The following EXTL1 variants were observed in gnomAD, a reference collection of about 807,000 sequenced individuals.
The protein encoded by EXTL1 is exostosin like glycosyltransferase 1.
In EXTL1, 43 loss-of-function variants were observed where a neutral mutation model predicts 64.6. The observed-to-expected ratio is 0.67, with a 90% CI of 0.52 to 0.86. The LOEUF is 0.86. Among genes scored for constraint, EXTL1 ranks in the 40% least tolerant of loss-of-function variants. The pLI is 0.00. For synonymous variants in EXTL1, 352 were observed against 360.5 expected, an observed-to-expected ratio of 0.98 and a Z score of 0.27; for missense variants, 766 against 879.0, an observed-to-expected ratio of 0.87 and a Z score of 1.62.
rs952372690 is a variant in EXTL1 at position 26,036,313 on chromosome 1, C to G, written c.*966C>G. 1 of 152,410 alleles carries G rather than the reference C, an allele frequency of 6.6e-6. No homozygotes were observed. The highest frequency in any genetic ancestry group is 2.4e-5 in the African/African-American group (1 of 41,426). The allele number at this position is 152,410 out of a possible 1,614,324, so 9.4% of individuals were successfully genotyped here. A position where few individuals can be genotyped will look rare whatever the true frequency, so the allele number is the denominator to read the frequency against. On this transcript the variant is annotated 3_prime_UTR_variant, in exon 11 of 11. Transcript: ENST00000374280. The surrounding 1 kb of genome is among the most constrained non-coding windows in gnomAD (Gnocchi z 5.2). ...CAAGAAGGGACTGTTTCTAGGTGGG[C>G]TGGGCGCGAGCAGGGACTGTCCCGA...
rs1419354231 is a variant in EXTL1 at position 26,027,691 on chromosome 1, A to AAAAAAAAAAAAAAAAGAAAAG, written c.780-1487_780-1486insGAAAAGAAAAAAAAAAAAAAA. ...GCAACACAGAGAGACCCCATCTCTA[A>AAAAAAAAAAAAAAAAGAAAAG]AAAAAAAAAAAAAAAAAGCCAGCAC... On this transcript the variant is annotated intron_variant, in intron 1 of 10. Coordinates refer to ENST00000374280, the MANE Select transcript of EXTL1 (RefSeq NM_004455.3). Among the ~76,000 whole-genome samples the AAAAAAAAAAAAAAAAGAAAAG allele has an allele frequency of 2.6e-3, 371 of 144,218 alleles. 4 individuals carry two copies. Among genetic ancestry groups the AAAAAAAAAAAAAAAAGAAAAG allele is most frequent in the Admixed American group, 0.021 (289 of 14,084 alleles). The allele number at this position is 144,218 out of a possible 152,430, so 94.6% of individuals were successfully genotyped here.
rs768895840 is a variant in EXTL1, at chr1:26,035,172, G to C, written c.1856G>C (p.Gly619Ala). The C allele has an allele frequency of 6.2e-7, 1 of 1,600,330 alleles. No homozygotes were observed. The highest frequency in any genetic ancestry group is 2.2e-5 in the East Asian group (1 of 44,600). ...TGCTTCTTTCCCTCTTAGGCGCCTGGGGGCCCGGGGCCCAGGCCAAAGCCG... is the reference window on the plus strand; with the variant it reads ...TGCTTCTTTCCCTCTTAGGCGCCTGCGGGCCCGGGGCCCAGGCCAAAGCCG... ...QRQEAAPLAP[G>A]GPGPRPKPPA... The change falls in exon 11 of 11, where the codon GGG becomes GCG. Residue 619 changes from glycine to alanine, a missense_variant. Coordinates refer to ENST00000374280, the MANE Select transcript of EXTL1 (RefSeq NM_004455.3). The surrounding 1 kb of genome is among the most constrained non-coding windows in gnomAD (Gnocchi z 5.3).
intron 1 of EXTL1, among the ~76,000 whole-genome samples, chr1:26,027,055 C>T (rs1287585399): frequency 6.6e-6 from 1 of 152,284 alleles, no homozygotes; most frequent in Non-Finnish European, 1.5e-5. Context: ...GTCTCTTGGT[C>T]CCAGATCTAT....
In EXTL1 at chr1:26,022,488, G is replaced by A; in HGVS notation, c.-159G>A. ...GTGACTCACTATCTGACCTTAGACA[G>A]GCGGCCTGGTCTCGATGGGCCTCAG... On this transcript the variant is annotated 5_prime_UTR_variant, in exon 1 of 11. Coordinates refer to ENST00000374280, the MANE Select transcript of EXTL1 (RefSeq NM_004455.3). 1.6e-6 allele frequency: 1 copy of A among 617,530 alleles called. No homozygotes were observed. Among genetic ancestry groups the A allele is most frequent in the Non-Finnish European group, 2.8e-6 (1 of 352,824 alleles). 38.3% of individuals were successfully genotyped at this position (617,530 alleles called of 1,614,324 possible). A position where few individuals can be genotyped will look rare whatever the true frequency, so the allele number is the denominator to read the frequency against.
chr1:26,029,520 A>T (rs1557552661), intron 2 of EXTL1, 80 bp from the exon 3 acceptor site: 4 of 839,780 alleles, frequency 4.8e-6, no homozygotes, highest in Non-Finnish European at 5.9e-6. Context: ...CAACAGCAGC[A>T]GCTACTGACT....
Position 26,035,564 on chromosome 1 carries a change from C to T in EXTL1, c.*217C>T. The stretch of plus-strand genomic sequence containing the variant: ...CGGAGCCTCTGCGGAGGCTGAGCCC[C>T]GCGACCGGAGCGCCGCTCTCCGCTT... On this transcript the variant is annotated 3_prime_UTR_variant, in exon 11 of 11. Transcript: ENST00000374280. The surrounding 1 kb of genome is among the most constrained non-coding windows in gnomAD (Gnocchi z 5.3). 4.4e-6 allele frequency: 2 copies of T among 453,666 alleles called. No homozygotes were observed. The highest frequency in any genetic ancestry group is 3.6e-5 in the Admixed American group (1 of 27,566). The allele number at this position is 453,666 out of a possible 1,614,324, so 28.1% of individuals were successfully genotyped here. A position where few individuals can be genotyped will look rare whatever the true frequency, so the allele number is the denominator to read the frequency against.
Position 26,023,105 on chromosome 1 carries a change from G to T in EXTL1, c.459G>T (p.Trp153Cys). ...AGTGCAGCTCAATGCCTCTGCAATG[G>T]AACAGGGGCAGGAACCATCTGGTCC... ...TGECSSMPLQ[W>C]NRGRNHLVLR... Residue 153 changes from tryptophan to cysteine, a missense_variant, in exon 1 of 11, where the codon TGG (tryptophan) becomes TGT (cysteine). Physicochemically the swap from Trp to Cys is radical, Grantham distance 215 (BLOSUM62 -2). Around this residue, in one of 3 missense-constraint regions of EXTL1, gnomAD observed 571 missense variants for 647.6 expected, o/e 0.88. Transcript: ENST00000374280. 6.2e-7 allele frequency: 1 copy of T among 1,613,788 alleles called. No homozygotes were observed. The highest frequency in any genetic ancestry group is 2.2e-5 in the East Asian group (1 of 44,864).
chr1:26,033,758 G>C lies in EXTL1; in HGVS notation c.1581G>C (p.Ser527=). ...AGCGGATGGTGGGCTTCCTGACGTC[G>C]AGCCATTTCTGGGACGAGGCCCATG... ...FPERMVGFLT[S]SHFWDEAHGG... Residue 527 remains serine (S), a synonymous_variant, in exon 9 of 11, where the codon TCG becomes TCC. Coordinates refer to ENST00000374280, the MANE Select transcript of EXTL1 (RefSeq NM_004455.3). The surrounding 1 kb of genome is among the most constrained non-coding windows in gnomAD (Gnocchi z 5.1). 4.3e-6 allele frequency: 7 copies of C among 1,614,102 alleles called. No homozygotes were observed. The highest frequency in any genetic ancestry group is 5.9e-6 in the Non-Finnish European group (7 of 1,180,010).
chr1:26,022,836 C>G lies in EXTL1; in HGVS notation c.190C>G (p.Leu64Val), dbSNP rs745966810. ...GCAGAGCTTCTCCCAGCCTGGAGAGCTCCCAGAAGATGCCGTTTCACCTCC... is the reference window on the plus strand; with the variant it reads ...GCAGAGCTTCTCCCAGCCTGGAGAGGTCCCAGAAGATGCCGTTTCACCTCC... ...LLQSFSQPGE[L>V]PEDAVSPPQA... The change falls in exon 1 of 11, where the codon CTC becomes GTC. Residue 64 changes from leucine (L) to valine (V), a missense_variant. Leu to Val is a conservative substitution (Grantham distance 32). Transcript: ENST00000374280. The G allele has an allele frequency of 6.2e-7, 1 of 1,614,022 alleles. No individual in the cohort carries two copies. Among genetic ancestry groups the G allele is most frequent in the South Asian group, 1.1e-5 (1 of 91,060 alleles).
At chr1:26,024,230 CCT>C (rs2050190532) in intron 1 of EXTL1, among the ~76,000 whole-genome samples, 1 of 152,130 alleles carries the variant, frequency 6.6e-6, no homozygotes, top group African/African-American at 2.4e-5. Context: ...GCACTCTAAC[CCT>C]CTGTGTCCCC....
In EXTL1 at chr1:26,025,534, G is replaced by T. The variant is rs2050205247; in HGVS notation, c.779+2109G>T. Among the ~76,000 whole-genome samples, 1 of 152,190 alleles carries T rather than the reference G, an allele frequency of 6.6e-6. No individual in the cohort carries two copies. The highest frequency in any genetic ancestry group is 2.4e-5 in the African/African-American group (1 of 41,444). On this transcript the variant is annotated intron_variant, in intron 1 of 10. Coordinates refer to ENST00000374280, the MANE Select transcript of EXTL1 (RefSeq NM_004455.3). The surrounding 1 kb of genome is among the most constrained non-coding windows in gnomAD (Gnocchi z 5.3). Reference sequence around the variant, plus strand: ...AGGCGCTTGGAAGCAGTGGAGTTGGGATTCAACCCTGTACTTCTGGCTCCA... The same window carrying T: ...AGGCGCTTGGAAGCAGTGGAGTTGGTATTCAACCCTGTACTTCTGGCTCCA...
chr1:26,022,805 G>T lies in EXTL1; in HGVS notation c.159G>T (p.Glu53Asp). 6.2e-7 allele frequency: 1 copy of T among 1,614,056 alleles called. No homozygotes were observed. The highest frequency in any genetic ancestry group is 8.5e-7 in the Non-Finnish European group (1 of 1,179,994). ...GCTGGCCCCGCTGGCTGGATGCAGA[G>T]CTCCTGCAGAGCTTCTCCCAGCCTG... ...SQGWPRWLDA[E>D]LLQSFSQPGE... Residue 53 changes from glutamate (E) to aspartate (D), a missense_variant, in exon 1 of 11, where the codon GAG (glutamate) becomes GAT (aspartate). Physicochemically the swap from Glu to Asp is conservative, Grantham distance 45. Transcript: ENST00000374280.
chr1:26,034,784 G>T lies in EXTL1; in HGVS notation c.1680-52G>T. On this transcript the variant is annotated intron_variant, in intron 9 of 10. Coordinates refer to ENST00000374280, the MANE Select transcript of EXTL1 (RefSeq NM_004455.3). The surrounding 1 kb of genome is among the most constrained non-coding windows in gnomAD (Gnocchi z 4.6). ...TGAGGTCAGGAGGGAGGAGAATGGG[G>T]CCTGGGGATGGATTTGGCTGCAGCC... 2 of 1,572,280 alleles carry T rather than the reference G, an allele frequency of 1.3e-6. No homozygotes were observed. The highest frequency in any genetic ancestry group is 2.3e-5 in the South Asian group (2 of 86,854).
rs76140591 is a variant in EXTL1 at position 26,035,058 on chromosome 1, G to C, written c.1848+54G>C. On this transcript the variant is annotated intron_variant, in intron 10 of 10. Transcript: ENST00000374280. The surrounding 1 kb of genome is among the most constrained non-coding windows in gnomAD (Gnocchi z 5.3). ...TGGCAGGGATTGGGCGGGGATGCCG[G>C]AGAGGATTCCCTCTCACTGTCTAAT... The C allele has an allele frequency of 0.026, 41,862 of 1,605,092 alleles. 641 individuals carry two copies. Among genetic ancestry groups the C allele is most frequent in the Non-Finnish European group, 0.031 (36,702 of 1,173,542 alleles).
At chr1:26,027,966 G>A (rs2050237364) in intron 1 of EXTL1, among the ~76,000 whole-genome samples, 1 of 152,202 alleles carries the variant, frequency 6.6e-6, no homozygotes, top group African/African-American at 2.4e-5. Flanking sequence ...GCTCAGTGGT[G>A]CAGTTGATTC....
chr1:26,033,910 A>AC lies in EXTL1; in HGVS notation c.1679+59dup. The AC allele has an allele frequency of 6.7e-7, 1 of 1,490,682 alleles. No individual in the cohort carries two copies. The highest frequency in any genetic ancestry group is 9.0e-7 in the Non-Finnish European group (1 of 1,108,916). 92.3% of individuals were successfully genotyped at this position (1,490,682 alleles called of 1,614,324 possible). ...AGAGTATCAGAGGACCAGAGACCCC[A>AC]CCCCCACCCCGAACGGAGCAGAGTG... On this transcript the variant is annotated intron_variant, in intron 9 of 10. Transcript: ENST00000374280. The surrounding 1 kb of genome is among the most constrained non-coding windows in gnomAD (Gnocchi z 5.1).
intron 1 of EXTL1, among the ~76,000 whole-genome samples, chr1:26,027,484 G>A (rs569615055): frequency 5.9e-5 from 9 of 152,164 alleles, no homozygotes; most frequent in Admixed American, 2.6e-4. Flanking sequence ...CTGGGAGGTG[G>A]GAGTAGAGAA....
rs948640156 is a variant in EXTL1 at position 26,035,552 on chromosome 1, G to A, written c.*205G>A. 4.3e-6 allele frequency: 2 copies of A among 465,546 alleles called. No homozygotes were observed. The highest frequency in any genetic ancestry group is 7.6e-6 in the Non-Finnish European group (2 of 262,884). The allele number at this position is 465,546 out of a possible 1,614,324, so 28.8% of individuals were successfully genotyped here. On this transcript the variant is annotated 3_prime_UTR_variant, in exon 11 of 11. Transcript: ENST00000374280. This position sits in a 1 kb window ranked among gnomAD's most constrained non-coding sequence, Gnocchi z 5.3. ...CGCCCTCAGCCGCGGAGCCTCTGCG[G>A]AGGCTGAGCCCCGCGACCGGAGCGC...
intron 7 of EXTL1, 63 bp downstream of exon 7, chr1:26,032,548 A>T (rs1437803901): frequency 7.6e-6 from 10 of 1,309,488 alleles, no homozygotes; most frequent in Non-Finnish European, 9.6e-6. Flanking sequence ...GAGGGCACCC[A>T]TGGGGTGTTT....
Sources: allele counts gnomAD v4.1 joint callset (sites outside exome capture counted in the v4.1 genomes callset), GRCh38; gene constraint gnomAD v4.1.1; regional missense constraint gnomAD v4.1.1; non-coding constraint Gnocchi (gnomAD v3.1); transcripts MANE v1.5; gene names NCBI Gene and HGNC (gene_info 2026-07-23, HGNC 2026-07-21).